SCAPER: variants seen among roughly 807,000 people sequenced by gnomAD.
SCAPER encodes S-phase cyclin A associated protein in the ER, also known as S phase cyclin A-associated protein in the endoplasmic reticulum.
SCAPER carries 98 observed loss-of-function variants against 182.2 expected under a neutral mutation model. The observed-to-expected ratio is 0.54, with a 90% CI of 0.46 to 0.64. The LOEUF (loss-of-function observed/expected upper bound fraction) is 0.64. SCAPER is among the 30% of genes least tolerant of loss of function. The pLI is 0.00. For missense variants in SCAPER, 1,432 were observed against 1,690.0 expected, an observed-to-expected ratio of 0.85 and a Z score of 2.68; for synonymous variants, 605 against 564.6, an observed-to-expected ratio of 1.07 and a Z score of -1.01.
chr15:76,873,557 T>A (rs1414515219), intron 2 of SCAPER, among the ~76,000 whole-genome samples: 2 of 152,140 alleles, frequency 1.3e-5, no homozygotes, highest in Non-Finnish European at 2.9e-5. Flanking sequence ...TCTAATAATG[T>A]ACAAGTAAAA....
At chr15:76,721,534 G>A (rs558368176) in intron 17 of SCAPER, among the ~76,000 whole-genome samples, 82 of 151,928 alleles carry the variant, frequency 5.4e-4, no homozygotes, top group African/African-American at 1.8e-3. Context: ...CCATTTTCAC[G>A]ATATTGATTC....
At chr15:76,544,297 G>A (rs1189781466) in intron 23 of SCAPER, among the ~76,000 whole-genome samples, 1 of 152,146 alleles carries the variant, frequency 6.6e-6, no homozygotes, top group Non-Finnish European at 1.5e-5. Flanking sequence ...CATACAACTT[G>A]GCAATTCCAT....
At chr15:76,775,149 T>C (rs1483328658) in intron 8 of SCAPER, 32 bp from the exon 9 acceptor site, 1 of 1,537,594 alleles carries the variant, frequency 6.5e-7, no homozygotes, top group Non-Finnish European at 8.7e-7. Flanking sequence ...CAAATCAAGA[T>C]TTATTTAGAT....
intron 23 of SCAPER, among the ~76,000 whole-genome samples, chr15:76,558,480 T>C (rs1034490465): frequency 6.6e-6 from 1 of 152,124 alleles, no homozygotes; most frequent in Non-Finnish European, 1.5e-5. Context: ...TGAGACACCA[T>C]CTCATACAAG....
Position 76,875,406 on chromosome 15 carries a change from G to C in SCAPER, c.6+8406C>G, listed in dbSNP as rs1027176157. 1.2e-4 allele frequency among the ~76,000 whole-genome samples: 19 copies of C among 152,242 alleles called. 1 individual carries two copies. Among genetic ancestry groups the C allele is most frequent in the African/African-American group, 4.1e-4 (17 of 41,524 alleles). On this transcript the variant is annotated intron_variant, in intron 2 of 31. Transcript: ENST00000563290. Reference sequence around the variant, plus strand: ...CTGTAATCCCAGAAAAACTTTGGCAGGCCAAAGTAGGCGGATCACTTGAGG... The same window carrying C: ...CTGTAATCCCAGAAAAACTTTGGCACGCCAAAGTAGGCGGATCACTTGAGG...
intron 4 of SCAPER, among the ~76,000 whole-genome samples, chr15:76,843,786 T>C (rs1480107937): frequency 6.6e-6 from 1 of 151,778 alleles, no homozygotes; most frequent in Non-Finnish European, 1.5e-5. Flanking sequence ...AGTGAGACCT[T>C]GAAGCTCTCT....
chr15:76,360,606 A>G (rs567997516), intron 29 of SCAPER, among the ~76,000 whole-genome samples: 1 of 152,364 alleles, frequency 6.6e-6, no homozygotes, highest in South Asian at 2.1e-4. Flanking sequence ...TGGCTCTGCC[A>G]GCCCGGATGA....
chr15:76,881,752 T>C (rs1236698952), intron 2 of SCAPER, among the ~76,000 whole-genome samples: 2 of 152,198 alleles, frequency 1.3e-5, no homozygotes, highest in Non-Finnish European at 2.9e-5. Context: ...GTTTAATGTA[T>C]AGAGTTTCAA....
chr15:76,848,643 T>C (rs938438010), intron 4 of SCAPER, among the ~76,000 whole-genome samples: 5 of 152,194 alleles, frequency 3.3e-5, no homozygotes, highest in African/African-American at 1.2e-4. Flanking sequence ...CAAAGATTTA[T>C]GTCTACCCCT....
At chr15:76,549,788 T>A (rs2045605220) in intron 23 of SCAPER, among the ~76,000 whole-genome samples, 1 of 151,966 alleles carries the variant, frequency 6.6e-6, no homozygotes, top group African/African-American at 2.4e-5. Flanking sequence ...GACCCCTATC[T>A]CTCATCATAT....
At chr15:76,617,054 A>G (rs1250728895) in intron 22 of SCAPER, among the ~76,000 whole-genome samples, 1 of 152,124 alleles carries the variant, frequency 6.6e-6, no homozygotes, top group African/African-American at 2.4e-5. Flanking sequence ...TATACAAGGT[A>G]TTGATTTATA....
intron 17 of SCAPER, among the ~76,000 whole-genome samples, chr15:76,710,693 A>G (rs1468161935): frequency 6.6e-6 from 1 of 152,176 alleles, no homozygotes; most frequent in South Asian, 2.1e-4. Flanking sequence ...AAAGATGTCA[A>G]TCTCCCTAAA....
At chr15:76,546,654 CTCTG>C (rs1305099149) in intron 23 of SCAPER, among the ~76,000 whole-genome samples, 2 of 152,086 alleles carry the variant, frequency 1.3e-5, no homozygotes, top group African/African-American at 2.4e-5. Context: ...CTCTCTCTCT[CTCTG>C]TCTGTCACAC....
chr15:76,485,287 G>T (rs1328104472), intron 24 of SCAPER, among the ~76,000 whole-genome samples: 1 of 152,042 alleles, frequency 6.6e-6, no homozygotes, highest in Non-Finnish European at 1.5e-5. Context: ...ATTCACAACT[G>T]CCACAAAAAG....
chr15:76,883,632 G>A (rs1325369008), intron 2 of SCAPER, among the ~76,000 whole-genome samples, 180 bp downstream of exon 2: 1 of 152,146 alleles, frequency 6.6e-6, no homozygotes, highest in Non-Finnish European at 1.5e-5. Context: ...GGAGCAGCAG[G>A]GTTCCTGGGC....
chr15:76,772,101 T>A, intron 9 of SCAPER, 147 bp from the exon 10 acceptor site: 1 of 643,598 alleles, frequency 1.6e-6, no homozygotes. Context: ...ATCTTTTTTG[T>A]ATGTTTCAAG....
chr15:76,645,416 G>A (rs1055382600), intron 21 of SCAPER, among the ~76,000 whole-genome samples: 1 of 151,918 alleles, frequency 6.6e-6, no homozygotes, highest in South Asian at 2.1e-4. Flanking sequence ...TTACTCTTAT[G>A]AATACCAATA....
chr15:76,852,363 C>T (rs946070555), intron 4 of SCAPER, among the ~76,000 whole-genome samples: 1 of 152,178 alleles, frequency 6.6e-6, no homozygotes, highest in Admixed American at 6.5e-5. Flanking sequence ...CAGAACTCTC[C>T]AACCAAAAAC....
At chr15:76,780,942 A>G (rs1170314205) in intron 8 of SCAPER, among the ~76,000 whole-genome samples, 2 of 152,216 alleles carry the variant, frequency 1.3e-5, no homozygotes. Context: ...ACCAGAGCAG[A>G]AAAGCTGAAA....
Sources: gnomAD v4.1 joint callset for allele counts (sites outside exome capture counted in the v4.1 genomes callset) on GRCh38, gnomAD v4.1.1 for gene constraint, MANE v1.5 for transcripts, NCBI Gene and HGNC (gene_info 2026-07-23, HGNC 2026-07-21) for gene names.